Variants in ZNF813 observed in about 807,000 individuals in gnomAD.
ZNF813 encodes the protein zinc finger protein 813.
A neutral mutation model predicts 7.2 loss-of-function variants in ZNF813; 3 were observed. That is an observed-to-expected ratio of 0.42 (90% confidence interval 0.19 to 1.08). The LOEUF (loss-of-function observed/expected upper bound fraction) is 1.08, where lower values mean the gene tolerates loss of function less well. ZNF813 is among the 50% of genes least tolerant of loss of function. ZNF813 has a pLI of 0.30. For missense variants in ZNF813, 714 were observed against 753.3 expected (o/e 0.95, Z 0.61); for synonymous variants, 227 against 256.3 (o/e 0.89, Z 1.09).
intron 1 of ZNF813, chr19:53,479,224 C>A: frequency 2.1e-6 from 2 of 937,322 alleles, no homozygotes; most frequent in Non-Finnish European, 3.2e-6. Flanking sequence ...TGTGAGCAAC[C>A]ACGCCCAGCT....
chr19:53,471,014 A>G (rs946373090), intron 1 of ZNF813, among the ~76,000 whole-genome samples: 6 of 152,218 alleles, frequency 3.9e-5, no homozygotes, highest in Admixed American at 3.3e-4. Flanking sequence ...TTTTGTGCCC[A>G]GGTAGCTGGC....
In ZNF813 at chr19:53,492,876, C is replaced by T. The variant is rs548968794; in HGVS notation, c.*790C>T. On this transcript the variant is annotated 3_prime_UTR_variant, in exon 4 of 4. Transcript: ENST00000396403. ...GAATTCATACAGGAGAGAAACCTCACGTGTGATGATTGTGGCAAAGCCTTT... is the reference window on the plus strand; with the variant it reads ...GAATTCATACAGGAGAGAAACCTCATGTGTGATGATTGTGGCAAAGCCTTT... 7.7e-5 allele frequency: 37 copies of T among 482,772 alleles called. No homozygotes were observed. The highest frequency in any genetic ancestry group is 2.1e-4 in the South Asian group (14 of 66,210). The allele number at this position is 482,772 out of a possible 1,614,324, so 29.9% of individuals were successfully genotyped here.
At chr19:53,487,672 T>G (rs1235155571) in intron 3 of ZNF813, among the ~76,000 whole-genome samples, 2 of 151,886 alleles carry the variant, frequency 1.3e-5, no homozygotes, top group African/African-American at 4.8e-5. Flanking sequence ...GTGGTGGGCA[T>G]CTGTAAGCCC....
intron 1 of ZNF813, among the ~76,000 whole-genome samples, chr19:53,481,563 C>T (rs931533171): frequency 6.6e-5 from 10 of 151,848 alleles, no homozygotes; most frequent in African/African-American, 2.4e-4. Flanking sequence ...TGACCAGGCT[C>T]GTCTCAAACT....
chr19:53,488,654 C>T (rs561231718), intron 3 of ZNF813, among the ~76,000 whole-genome samples: 31 of 148,806 alleles, frequency 2.1e-4, no homozygotes, highest in East Asian at 2.1e-3. Flanking sequence ...GATCTGACCT[C>T]GTGATCCTCC....
At chr19:53,480,530 A>G (rs1199903729) in intron 1 of ZNF813, among the ~76,000 whole-genome samples, 1 of 152,178 alleles carries the variant, frequency 6.6e-6, no homozygotes, top group East Asian at 1.9e-4. Flanking sequence ...GTTTGAAACT[A>G]GTTGCATCTG....
chr19:53,493,461 GGAAGT>G lies in ZNF813; in HGVS notation c.*1377_*1381del, dbSNP rs1469428699. On this transcript the variant is annotated 3_prime_UTR_variant, in exon 4 of 4. Coordinates refer to ENST00000396403, the MANE Select transcript of ZNF813 (RefSeq NM_001004301.4). ...TATTTCTTTAAGTTCTCTAGCAAAT[GGAAGT>G]GTTTTTAAATTTTCTTTTAAAATTG... 2.0e-5 allele frequency: 3 copies of G among 151,622 alleles called. No individual in the cohort carries two copies. The highest frequency in any genetic ancestry group is 4.4e-5 in the Non-Finnish European group (3 of 67,996). 9.4% of individuals were successfully genotyped at this position (151,622 alleles called of 1,614,324 possible).
chr19:53,490,634 G>T lies in ZNF813; in HGVS notation c.402G>T (p.Lys134Asn), dbSNP rs1399460712. The T allele has an allele frequency of 6.2e-7, 1 of 1,614,198 alleles. No homozygotes were observed. ...ATGATCAAAGGCATGCTGGAAACAAGCCTATTAAAGATCAGCTTGGATCAA... is the reference window on the plus strand; with the variant it reads ...ATGATCAAAGGCATGCTGGAAACAATCCTATTAAAGATCAGCTTGGATCAA... ...DRYDQRHAGN[K>N]PIKDQLGSSF... Residue 134 changes from lysine to asparagine, a missense_variant, in exon 4 of 4, where the codon AAG becomes AAT. Transcript: ENST00000396403.
intron 1 of ZNF813, among the ~76,000 whole-genome samples, chr19:53,469,921 A>G (rs2086348516): frequency 6.6e-6 from 1 of 151,720 alleles, no homozygotes; most frequent in South Asian, 2.1e-4. Flanking sequence ...ATGTTTACTT[A>G]AGGTACGCAC....
rs369641115 is a variant in ZNF813, at chr19:53,476,002, G to A, written c.-73-7748G>A. Among the ~76,000 whole-genome samples the A allele has an allele frequency of 3.3e-5, 5 of 152,128 alleles. No individual in the cohort carries two copies. In the East Asian group the frequency reaches 5.8e-4, roughly 18 times the overall value. ...GCCATCAGTGAACAATTTGGAATCC[G>A]GAATCTTGCTGCCTCTAAAAATTCC... is the stretch of plus-strand genomic sequence containing the variant. On this transcript the variant is annotated intron_variant, in intron 1 of 3. Transcript: ENST00000396403.
chr19:53,490,412 A>G lies in ZNF813; in HGVS notation c.180A>G (p.Ser60=). The G allele has an allele frequency of 6.2e-7, 1 of 1,614,098 alleles. No homozygotes were observed. The highest frequency in any genetic ancestry group is 1.1e-5 in the South Asian group (1 of 91,064). ...SSKCMMKEFS[S]TAQGNREVIH... ...AATGCATGATGAAGGAGTTCTCATC[A>G]ACAGCACAAGGCAATAGAGAAGTGA... The change falls in exon 4 of 4, where the codon TCA becomes TCG. Residue 60 remains serine (S), a synonymous_variant. Transcript: ENST00000396403.
At chr19:53,486,847 C>G (rs1416912094) in intron 3 of ZNF813, 89 bp downstream of exon 3, 1 of 1,592,110 alleles carries the variant, frequency 6.3e-7, no homozygotes, top group African/African-American at 1.3e-5. Flanking sequence ...CTTGCTCTGT[C>G]ACCCAGGGTG....
At chr19:53,471,803 C>A (rs1181408823) in intron 1 of ZNF813, among the ~76,000 whole-genome samples, 1 of 63,136 alleles carries the variant, frequency 1.6e-5, no homozygotes, top group African/African-American at 7.1e-5. Flanking sequence ...CAGAGTGAGA[C>A]TGTCTCAAAA....
intron 1 of ZNF813, among the ~76,000 whole-genome samples, chr19:53,476,399 G>A (rs2086381919): frequency 6.6e-6 from 1 of 151,998 alleles, no homozygotes; most frequent in Admixed American, 6.5e-5. Context: ...AGGTGGTTGG[G>A]GTGGCTGGAT....
chr19:53,487,969 A>G (rs1600114181), intron 3 of ZNF813, among the ~76,000 whole-genome samples: 1 of 152,138 alleles, frequency 6.6e-6, no homozygotes, highest in South Asian at 2.1e-4. Context: ...AATTATGAAG[A>G]AAAGGTACAC....
In ZNF813 at chr19:53,494,051, A is replaced by G. The variant is rs1377294958; in HGVS notation, c.*1965A>G. On this transcript the variant is annotated 3_prime_UTR_variant, in exon 4 of 4. Transcript: ENST00000396403. ...CATCTATTGAGATGATGTGGTTTTC[A>G]TCTTTCATTCTGTTCAAGTGGCATA... 1.3e-5 allele frequency: 2 copies of G among 152,174 alleles called. No individual in the cohort carries two copies. Among genetic ancestry groups the G allele is most frequent in the Admixed American group, 6.5e-5 (1 of 15,280 alleles). The allele number at this position is 152,174 out of a possible 1,614,324, so 9.4% of individuals were successfully genotyped here.
rs755544809 is a variant in ZNF813, at chr19:53,490,477, C to T, written c.245C>T (p.Thr82Ile). Residue 82 changes from threonine to isoleucine, a missense_variant, in exon 4 of 4, where the codon ACT becomes ATT. Physicochemically the swap from Thr to Ile is moderately conservative, Grantham distance 89. Transcript: ENST00000396403. ...GTLQRHESHH[T>I]GDFRFQEIDK... is the part of the protein sequence containing the mutation. ...TTGCAAAGACATGAAAGTCATCACA[C>T]TGGAGACTTTCGCTTTCAGGAAATT... 2 of 1,614,138 alleles carry T rather than the reference C, an allele frequency of 1.2e-6. No homozygotes were observed. The highest frequency in any genetic ancestry group is 8.5e-7 in the Non-Finnish European group (1 of 1,180,018).
At chr19:53,482,546 G>A (rs1424278965) in intron 1 of ZNF813, among the ~76,000 whole-genome samples, 3 of 151,912 alleles carry the variant, frequency 2.0e-5, no homozygotes, top group Non-Finnish European at 4.4e-5. Flanking sequence ...CTTACTCTAT[G>A]TCCCTAAATG....
At chr19:53,484,739 G>A (rs527526661) in intron 2 of ZNF813, among the ~76,000 whole-genome samples, 1 of 152,234 alleles carries the variant, frequency 6.6e-6, no homozygotes, top group African/African-American at 2.4e-5. Flanking sequence ...TAATTTTGTT[G>A]TATTTTTATT....
Sources: gnomAD v4.1 joint callset for allele counts (sites outside exome capture counted in the v4.1 genomes callset) on GRCh38, gnomAD v4.1.1 for gene constraint, MANE v1.5 for transcripts, NCBI Gene and HGNC (gene_info 2026-07-23, HGNC 2026-07-21) for gene names.